The following ATXN1 variants were observed in gnomAD, a reference collection of about 807,000 sequenced individuals.
The protein encoded by ATXN1 is ataxin 1.
ATXN1 carries 8 observed loss-of-function variants against 56.4 expected under a neutral mutation model. That is an observed-to-expected ratio of 0.14 (90% CI 0.08 to 0.26). The LOEUF is 0.26. Ranked by LOEUF, ATXN1 falls within the 10% of genes least tolerant of loss-of-function variation. ATXN1 has a pLI of 1.00. For synonymous variants in ATXN1, 514 were observed against 494.6 expected, an observed-to-expected ratio of 1.04 and a Z score of -0.52; for missense variants, 987 against 1,106.5, an observed-to-expected ratio of 0.89 and a Z score of 1.53.
chr6:16,572,628 C>T (rs1236040112), intron 4 of ATXN1, among the ~76,000 whole-genome samples: 1 of 152,106 alleles, frequency 6.6e-6, no homozygotes, highest in East Asian at 1.9e-4. Flanking sequence ...CTACAGAAAC[C>T]CTTTCCTACC....
At chr6:16,483,630 C>G (rs1003675791) in intron 6 of ATXN1, among the ~76,000 whole-genome samples, 4 of 152,252 alleles carry the variant, frequency 2.6e-5, no homozygotes, top group Non-Finnish European at 5.9e-5. Context: ...TCTCAACACA[C>G]TCCATTTACA....
At chr6:16,557,411 C>T (rs901346232) in intron 4 of ATXN1, among the ~76,000 whole-genome samples, 1 of 150,650 alleles carries the variant, frequency 6.6e-6, no homozygotes, top group African/African-American at 2.4e-5. Context: ...GGAACAACTG[C>T]AAAGGTCTAT....
chr6:16,547,264 G>A (rs1282946313), intron 4 of ATXN1, among the ~76,000 whole-genome samples: 3 of 152,176 alleles, frequency 2.0e-5, no homozygotes, highest in Non-Finnish European at 2.9e-5. Context: ...ATTTGGGGAG[G>A]TGATGGCAAT....
At chr6:16,447,949 G>A (rs1759668273) in intron 6 of ATXN1, among the ~76,000 whole-genome samples, 1 of 152,116 alleles carries the variant, frequency 6.6e-6, no homozygotes, top group Non-Finnish European at 1.5e-5. Flanking sequence ...TAATTCAGGG[G>A]CTAGGGTCTA....
chr6:16,681,250 C>T (rs569380208), intron 2 of ATXN1, among the ~76,000 whole-genome samples: 1 of 152,296 alleles, frequency 6.6e-6, no homozygotes, highest in Admixed American at 6.5e-5. Flanking sequence ...ATCAACAATG[C>T]CCCTGAAGTA....
intron 6 of ATXN1, among the ~76,000 whole-genome samples, chr6:16,344,210 G>A (rs532481927): frequency 1.8e-4 from 27 of 152,132 alleles, no homozygotes; most frequent in Admixed American, 6.6e-4. Context: ...TCCACACACC[G>A]TTCAGGAACC....
intron 2 of ATXN1, among the ~76,000 whole-genome samples, chr6:16,679,878 TGTTAAA>T (rs764867325): frequency 1.1e-4 from 17 of 152,246 alleles, no homozygotes; most frequent in African/African-American, 3.6e-4. Flanking sequence ...AATGTACTGT[TGTTAAA>T]GTTAAAGGAA....
intron 7 of ATXN1, among the ~76,000 whole-genome samples, chr6:16,318,459 T>C (rs1760566013): frequency 6.6e-6 from 1 of 152,150 alleles, no homozygotes; most frequent in Non-Finnish European, 1.5e-5. Flanking sequence ...GAAGGCTAAG[T>C]CTGCATGGTT....
rs1189264246 is a variant in ATXN1 at position 16,299,163 on chromosome 6, TGTACTG to T, written c.*7160_*7165del. On this transcript the variant is annotated 3_prime_UTR_variant, in exon 8 of 8. Coordinates refer to ENST00000436367, the MANE Select transcript of ATXN1 (RefSeq NM_001128164.2). Reference sequence around the variant, plus strand: ...TACGAGTATACTGAAACAATAAACTTGTACTGGTATACAGACAATTTATTTAAAACA... The same window carrying T: ...TACGAGTATACTGAAACAATAAACTTGTATACAGACAATTTATTTAAAACA... 3.3e-5 allele frequency: 5 copies of T among 152,684 alleles called. No homozygotes were observed. Among genetic ancestry groups the T allele is most frequent in the African/African-American group, 4.8e-5 (2 of 41,462 alleles). The allele number at this position is 152,684 out of a possible 1,614,324, so 9.5% of individuals were successfully genotyped here.
At chr6:16,382,030 A>G (rs551746826) in intron 6 of ATXN1, among the ~76,000 whole-genome samples, 1 of 152,328 alleles carries the variant, frequency 6.6e-6, no homozygotes, top group African/African-American at 2.4e-5. Context: ...GCTATTAGTA[A>G]TTCTACCCAA....
intron 7 of ATXN1, among the ~76,000 whole-genome samples, chr6:16,322,857 C>T (rs1760706632): frequency 6.6e-6 from 1 of 152,200 alleles, no homozygotes; most frequent in Non-Finnish European, 1.5e-5. Flanking sequence ...CTGATAGGCT[C>T]CTCGGTAAAG....
intron 6 of ATXN1, among the ~76,000 whole-genome samples, chr6:16,443,383 T>C (rs1198177944): frequency 6.6e-6 from 1 of 152,084 alleles, no homozygotes; most frequent in Admixed American, 6.5e-5. Flanking sequence ...ATTTAAATAT[T>C]TTTATATAAT....
At chr6:16,447,414 G>A (rs879675158) in intron 6 of ATXN1, among the ~76,000 whole-genome samples, 1 of 151,990 alleles carries the variant, frequency 6.6e-6, no homozygotes. Context: ...AGTAGGGATG[G>A]GGTTTCACCA....
intron 1 of ATXN1, chr6:16,754,849 A>G: frequency 6.6e-6 from 1 of 152,266 alleles, no homozygotes; most frequent in South Asian, 2.1e-4. Flanking sequence ...AGTTACAAAT[A>G]TAAATAATGG....
intron 3 of ATXN1, among the ~76,000 whole-genome samples, chr6:16,630,534 T>C (rs985614778): frequency 6.6e-6 from 1 of 152,150 alleles, no homozygotes; most frequent in Non-Finnish European, 1.5e-5. Flanking sequence ...ATTGATGATA[T>C]CAGAGCATGA....
At chr6:16,659,841 G>C (rs183806650) in intron 2 of ATXN1, among the ~76,000 whole-genome samples, 1 of 151,992 alleles carries the variant, frequency 6.6e-6, no homozygotes, top group Admixed American at 6.6e-5. Flanking sequence ...CAGCAAAATC[G>C]ATCTGGGAGA....
intron 6 of ATXN1, among the ~76,000 whole-genome samples, chr6:16,333,689 A>G (rs1454120853): frequency 6.6e-6 from 1 of 152,202 alleles, no homozygotes; most frequent in Admixed American, 6.5e-5. Flanking sequence ...AGCTTGTGCC[A>G]GGACTGGAAA....
At chr6:16,341,561 C>A (rs189814975) in intron 6 of ATXN1, among the ~76,000 whole-genome samples, 1,549 of 150,098 alleles carry the variant, frequency 0.01, 13 homozygotes, top group Middle Eastern at 0.02. Flanking sequence ...CTCTGTCCCC[C>A]AGGCTGGAAT....
At chr6:16,652,283 A>G (rs1763908675) in intron 3 of ATXN1, among the ~76,000 whole-genome samples, 1 of 152,136 alleles carries the variant, frequency 6.6e-6, no homozygotes, top group Admixed American at 6.6e-5. Context: ...GGGGTACTGG[A>G]CTGGCGCTTT....
Sources: allele counts gnomAD v4.1 joint callset (sites outside exome capture counted in the v4.1 genomes callset), GRCh38; gene constraint gnomAD v4.1.1; transcripts MANE v1.5; gene names NCBI Gene and HGNC (gene_info 2026-07-23, HGNC 2026-07-21).